ANGPT1: variants seen among roughly 807,000 people sequenced by gnomAD.
ANGPT1 encodes the protein angiopoietin-1.
A neutral mutation model predicts 62.2 loss-of-function variants in ANGPT1; 17 were observed. The observed-to-expected ratio is 0.27, with a 90% CI of 0.19 to 0.41. The LOEUF is 0.41. Ranked by LOEUF, ANGPT1 falls within the 10% of genes least tolerant of loss-of-function variation. The probability of loss-of-function intolerance (pLI) is 1.00; values close to 1 mark genes in which losing one functional copy is unlikely to be tolerated. For synonymous variants in ANGPT1, 199 were observed against 198.9 expected (o/e 1.00, Z 0.00); for missense variants, 478 against 594.9 (o/e 0.80, Z 2.04).
rs187459717 is a variant in ANGPT1, at chr8:107,364,208, T to C, written c.298-17111A>G. ...TAGCAAGCAAGCATCCACAAGGATG[T>C]TTTTAGTTATATGATTAAATAAAGA... On this transcript the variant is annotated intron_variant, in intron 1 of 8. Transcript: ENST00000517746. 2.7e-3 allele frequency among the ~76,000 whole-genome samples: 417 copies of C among 152,288 alleles called. 2 individuals carry two copies. Among genetic ancestry groups the C allele is most frequent in the Non-Finnish European group, 5.1e-3 (348 of 68,022 alleles).
At chr8:107,412,474 A>T (rs1291211019) in intron 1 of ANGPT1, among the ~76,000 whole-genome samples, 1 of 152,146 alleles carries the variant, frequency 6.6e-6, no homozygotes, top group African/African-American at 2.4e-5. Flanking sequence ...AGGAAAAAAA[A>T]ACAAAAACAG....
intron 1 of ANGPT1, among the ~76,000 whole-genome samples, chr8:107,356,206 T>A (rs1816041693): frequency 6.6e-6 from 1 of 152,234 alleles, no homozygotes; most frequent in Admixed American, 6.5e-5. Context: ...TGTCTTACTA[T>A]GTCTTTCTAC....
At position 107,410,619 on chromosome 8, in the gene ANGPT1, T is replaced by C. The variant is rs574247164; in HGVS notation, c.298-63522A>G. Among the ~76,000 whole-genome samples, 11 of 152,274 alleles carry C rather than the reference T, an allele frequency of 7.2e-5. No individual in the cohort carries two copies. In the East Asian group the frequency reaches 1.9e-3, roughly 27 times the overall value. ...AGGAAAGGGAGACTGAAAAAATAGATTAAATCAACTCAAACCCTCTCATGT... is the reference window on the plus strand; with the variant it reads ...AGGAAAGGGAGACTGAAAAAATAGACTAAATCAACTCAAACCCTCTCATGT... On this transcript the variant is annotated intron_variant, in intron 1 of 8. Transcript: ENST00000517746.
intron 1 of ANGPT1, among the ~76,000 whole-genome samples, chr8:107,376,344 G>T (rs896967489): frequency 6.6e-6 from 1 of 152,156 alleles, no homozygotes; most frequent in Non-Finnish European, 1.5e-5. Context: ...CAATATGGAA[G>T]TATGGGGAAC....
chr8:107,312,442 G>A (rs1420625023), intron 4 of ANGPT1, among the ~76,000 whole-genome samples: 1 of 152,190 alleles, frequency 6.6e-6, no homozygotes, highest in African/African-American at 2.4e-5. Context: ...ATTAAAAATG[G>A]AATGAAAGTC....
intron 1 of ANGPT1, among the ~76,000 whole-genome samples, chr8:107,404,104 A>G (rs1052661951): frequency 2.0e-5 from 3 of 152,154 alleles, no homozygotes; most frequent in Non-Finnish European, 2.9e-5. Context: ...TGCCGGCCAC[A>G]AAAATTAAAA....
chr8:107,394,105 G>A (rs574982058), intron 1 of ANGPT1, among the ~76,000 whole-genome samples: 5 of 152,262 alleles, frequency 3.3e-5, no homozygotes, highest in East Asian at 1.9e-4. Flanking sequence ...TTGGGACTGT[G>A]AAAGATACCG....
chr8:107,343,557 T>G (rs913520226), intron 2 of ANGPT1, among the ~76,000 whole-genome samples: 1 of 152,168 alleles, frequency 6.6e-6, no homozygotes, highest in Non-Finnish European at 1.5e-5. Flanking sequence ...CAGCCATTGG[T>G]GAGCACTGGT....
intron 7 of ANGPT1, among the ~76,000 whole-genome samples, chr8:107,265,908 CAAT>C (rs142511641): frequency 0.24 from 36,998 of 151,858 alleles, 4,828 homozygotes; most frequent in African/African-American, 0.32. Context: ...TAGCAAAAAA[CAAT>C]ATTATTGGAT....
intron 1 of ANGPT1, among the ~76,000 whole-genome samples, chr8:107,382,251 AC>A (rs1816652579): frequency 6.6e-6 from 1 of 152,214 alleles, no homozygotes; most frequent in African/African-American, 2.4e-5. Flanking sequence ...AAATTTTGAC[AC>A]AGCATTTATA....
intron 4 of ANGPT1, among the ~76,000 whole-genome samples, chr8:107,319,518 T>C (rs1163016151): frequency 6.6e-6 from 1 of 151,810 alleles, no homozygotes; most frequent in East Asian, 1.9e-4. Flanking sequence ...TTTGCATATA[T>C]ATAAATTTAT....
At chr8:107,284,636 T>C in intron 7 of ANGPT1, 46 bp downstream of exon 7, 5 of 1,338,644 alleles carry the variant, frequency 3.7e-6, no homozygotes, top group East Asian at 2.7e-5. Context: ...AATTATTAAG[T>C]GGCTAGGTAA....
chr8:107,448,429 T>C (rs1811674107), intron 1 of ANGPT1, among the ~76,000 whole-genome samples: 1 of 152,186 alleles, frequency 6.6e-6, no homozygotes, highest in African/African-American at 2.4e-5. Flanking sequence ...TTTTCTTCCT[T>C]GAAATACAGA....
At chr8:107,388,805 A>T (rs190522837) in intron 1 of ANGPT1, among the ~76,000 whole-genome samples, 6 of 151,800 alleles carry the variant, frequency 4.0e-5, no homozygotes, top group Non-Finnish European at 8.8e-5. Flanking sequence ...GCTGCTAAAA[A>T]CTCTTTCTGC....
chr8:107,275,193 T>A (rs1169640827), intron 7 of ANGPT1, among the ~76,000 whole-genome samples: 1 of 152,114 alleles, frequency 6.6e-6, no homozygotes, highest in African/African-American at 2.4e-5. Context: ...AAAAAATTGA[T>A]GTGAGAAAAG....
rs999594962 is a variant in ANGPT1 at position 107,377,334 on chromosome 8, C to T, written c.298-30237G>A. 2.0e-5 allele frequency among the ~76,000 whole-genome samples: 3 copies of T among 152,254 alleles called. No homozygotes were observed. In the East Asian group the frequency reaches 5.8e-4, roughly 29 times the overall value. ...CAACAATGAACAGGCCGAATTTCCT[C>T]CCCAGATGCCTCGTGACATTGGCAT... On this transcript the variant is annotated intron_variant, in intron 1 of 8. Coordinates refer to ENST00000517746, the MANE Select transcript of ANGPT1 (RefSeq NM_001146.5).
intron 2 of ANGPT1, among the ~76,000 whole-genome samples, chr8:107,341,783 C>A (rs1467954232): frequency 6.6e-6 from 1 of 151,900 alleles, no homozygotes; most frequent in Non-Finnish European, 1.5e-5. Flanking sequence ...ACAGCTAATG[C>A]TCAGTAGAGT....
intron 1 of ANGPT1, among the ~76,000 whole-genome samples, chr8:107,484,390 A>T (rs1245337762): frequency 2.0e-5 from 3 of 152,048 alleles, no homozygotes; most frequent in East Asian, 1.9e-4. Flanking sequence ...ACCTTATTTT[A>T]AAAAATCATT....
chr8:107,452,589 T>C (rs1811807208), intron 1 of ANGPT1, among the ~76,000 whole-genome samples: 1 of 151,926 alleles, frequency 6.6e-6, no homozygotes, highest in South Asian at 2.1e-4. Context: ...GGAGAAAATA[T>C]TAAAAGTTCC....
Sources: allele counts gnomAD v4.1 joint callset (sites outside exome capture counted in the v4.1 genomes callset), GRCh38; gene constraint gnomAD v4.1.1; transcripts MANE v1.5; gene names NCBI Gene and HGNC (gene_info 2026-07-23, HGNC 2026-07-21).